The following COBLL1 variants were observed in gnomAD, a reference collection of about 807,000 sequenced individuals.
COBLL1 encodes cordon-bleu WH2 repeat protein like 1.
A neutral mutation model predicts 94.8 loss-of-function variants in COBLL1; 50 were observed. That is an observed-to-expected ratio of 0.53 (90% CI 0.42 to 0.67). The LOEUF (loss-of-function observed/expected upper bound fraction) is 0.67, where lower values mean the gene tolerates loss of function less well. COBLL1 is among the 30% of genes least tolerant of loss of function. The pLI, the probability that COBLL1 is intolerant of heterozygous loss-of-function variation, is 0.00. For synonymous variants in COBLL1, 448 were observed against 473.8 expected (o/e 0.95, Z 0.71); for missense variants, 1,362 against 1,348.7 (o/e 1.01, Z -0.15).
At chr2:164,798,741 T>G (rs2105313307) in intron 2 of COBLL1, among the ~76,000 whole-genome samples, 1 of 148,686 alleles carries the variant, frequency 6.7e-6, no homozygotes, top group South Asian at 2.2e-4. Context: ...GTAAGCAGGC[T>G]GGGGGCAGTG....
chr2:164,780,176 T>C (rs192716773), intron 2 of COBLL1, among the ~76,000 whole-genome samples: 1 of 152,082 alleles, frequency 6.6e-6, no homozygotes, highest in Admixed American at 6.5e-5. Flanking sequence ...TTATCCTCAT[T>C]CTCCTAGATC....
At chr2:164,796,349 A>G (rs1348060235) in intron 2 of COBLL1, among the ~76,000 whole-genome samples, 1 of 152,202 alleles carries the variant, frequency 6.6e-6, no homozygotes, top group African/African-American at 2.4e-5. Flanking sequence ...GAGAATGGAC[A>G]TAACTAAGAT....
chr2:164,743,627 G>C (rs760177334), intron 3 of COBLL1, 60 bp downstream of exon 3: 8 of 1,329,910 alleles, frequency 6.0e-6, no homozygotes, highest in Non-Finnish European at 8.7e-6. Flanking sequence ...GTATATCACA[G>C]AGACTTTCAA....
At chr2:164,747,688 C>A (rs1322665831) in intron 2 of COBLL1, among the ~76,000 whole-genome samples, 1 of 152,094 alleles carries the variant, frequency 6.6e-6, no homozygotes, top group Non-Finnish European at 1.5e-5. Flanking sequence ...GTTGGCCAGG[C>A]TGGTCTTGAA....
intron 2 of COBLL1, among the ~76,000 whole-genome samples, chr2:164,822,278 A>G (rs532080567): frequency 7.4e-4 from 113 of 152,284 alleles, no homozygotes; most frequent in African/African-American, 2.6e-3. Context: ...TCACACGTTT[A>G]AGGCAACAAA....
At chr2:164,799,821 G>T (rs1408043495) in intron 2 of COBLL1, among the ~76,000 whole-genome samples, 2 of 152,100 alleles carry the variant, frequency 1.3e-5, no homozygotes, top group Non-Finnish European at 2.9e-5. Context: ...TTTGACAAAG[G>T]TGCAAAGGCA....
upstream of COBLL1, chr2:164,842,068 G>A: frequency 1.3e-6 from 2 of 1,510,150 alleles, no homozygotes; most frequent in Non-Finnish European, 1.8e-6. Context: ...GCAGCGAGCC[G>A]GAGAGAGGAA....
chr2:164,790,668 C>G (rs1286317446), intron 2 of COBLL1, among the ~76,000 whole-genome samples: 2 of 152,092 alleles, frequency 1.3e-5, no homozygotes, highest in East Asian at 3.9e-4. Flanking sequence ...AATTAAACAG[C>G]AACAAAGAGC....
chr2:164,824,104 G>A (rs576494979), intron 2 of COBLL1, among the ~76,000 whole-genome samples: 4 of 152,238 alleles, frequency 2.6e-5, no homozygotes, highest in Non-Finnish European at 4.4e-5. Context: ...GTCTAGGGCC[G>A]GGCGCAGTGG....
intron 2 of COBLL1, among the ~76,000 whole-genome samples, chr2:164,774,791 T>C (rs1257533678): frequency 2.2e-5 from 2 of 90,228 alleles, no homozygotes; most frequent in East Asian, 2.1e-4. Flanking sequence ...GGATTGTGGC[T>C]AATAATATTG....
chr2:164,658,908 C>T lies in COBLL1; in HGVS notation n.182-4994G>A, dbSNP rs541268209. On this transcript the variant is annotated intron_variant and non_coding_transcript_variant, in intron 2 of 2. Transcript: ENST00000495084. The stretch of plus-strand genomic sequence containing the variant: ...TAATGGAGGGTCCTGCCTTGTGGCT[C>T]TTTTGGCTTCAATATCTGCTTGACA... Among the ~76,000 whole-genome samples, 15 of 152,218 alleles carry T rather than the reference C, an allele frequency of 9.9e-5. No homozygotes were observed. In the South Asian group the frequency reaches 2.1e-3, roughly 21 times the overall value.
intron 2 of COBLL1, among the ~76,000 whole-genome samples, chr2:164,807,925 T>C (rs186888096): frequency 2.0e-5 from 3 of 152,126 alleles, no homozygotes; most frequent in Non-Finnish European, 4.4e-5. Context: ...GTTCAAGCAA[T>C]TCTTGTGCCT....
In COBLL1 at chr2:164,730,022, G is replaced by T. The variant is rs761211701; in HGVS notation, c.324C>A (p.Asn108Lys). ...GTGTGTTTGGCTTAAATTTAATGTG[G>T]TTCTGTTCAGCTGACAACAGATCGA... is the stretch of plus-strand genomic sequence containing the variant. ...YTIDLLSAEQ[N>K]HIKFKPNTPI... The change falls in exon 4 of 14, where the codon AAC becomes AAA. Residue 108 changes from asparagine to lysine, a missense_variant. Transcript: ENST00000652658. 2.5e-6 allele frequency: 4 copies of T among 1,613,876 alleles called. No individual in the cohort carries two copies. Among genetic ancestry groups the T allele is most frequent in the Non-Finnish European group, 3.4e-6 (4 of 1,179,896 alleles).
At chr2:164,679,566 C>A (rs985355162), downstream of COBLL1, among the ~76,000 whole-genome samples, 1 of 152,172 alleles carries the variant, frequency 6.6e-6, no homozygotes, top group Non-Finnish European at 1.5e-5. Context: ...CTCTGAACTT[C>A]ATGAGTAAAA....
At chr2:164,723,819 A>G (rs1685582038) in intron 5 of COBLL1, 1 of 151,314 alleles carries the variant, frequency 6.6e-6, no homozygotes, top group African/African-American at 2.4e-5. Flanking sequence ...CTTTTTTTGA[A>G]TCTCACTCTG....
At chr2:164,803,313 C>T (rs1683906688) in intron 2 of COBLL1, among the ~76,000 whole-genome samples, 1 of 152,096 alleles carries the variant, frequency 6.6e-6, no homozygotes, top group Non-Finnish European at 1.5e-5. Context: ...CGCCTGTAAT[C>T]CCAGCACTTT....
chr2:164,837,304 A>T (rs1683360816), intron 2 of COBLL1: 1 of 278,696 alleles, frequency 3.6e-6, no homozygotes, highest in South Asian at 3.7e-5. Context: ...AAAGATAAGC[A>T]CCCAAGTTGA....
Position 164,841,454 on chromosome 2 carries a change from G to A in COBLL1, c.-50-208C>T, listed in dbSNP as rs1363997793. Reference sequence around the variant, plus strand: ...GTCTAGCGGGCGCCCAGAGCACGGCGGAGGAGGCGGTGGCGCTGCAGCCCC... The same window carrying A: ...GTCTAGCGGGCGCCCAGAGCACGGCAGAGGAGGCGGTGGCGCTGCAGCCCC... On this transcript the variant is annotated intron_variant, in intron 1 of 13. Transcript: ENST00000652658. The surrounding 1 kb of genome is among the most constrained non-coding windows in gnomAD (Gnocchi z 5.5). 1.7e-6 allele frequency: 2 copies of A among 1,146,672 alleles called. No individual in the cohort carries two copies. The highest frequency in any genetic ancestry group is 2.1e-6 in the Non-Finnish European group (2 of 934,274). 71.0% of individuals were successfully genotyped at this position (1,146,672 alleles called of 1,614,324 possible).
chr2:164,834,500 T>A (rs1003234838), intron 2 of COBLL1, among the ~76,000 whole-genome samples: 1 of 152,222 alleles, frequency 6.6e-6, no homozygotes, highest in African/African-American at 2.4e-5. Flanking sequence ...ATACAGATAA[T>A]AATTTTGTTT....
Sources: allele counts gnomAD v4.1 joint callset (sites outside exome capture counted in the v4.1 genomes callset), GRCh38; gene constraint gnomAD v4.1.1; non-coding constraint Gnocchi (gnomAD v3.1); transcripts MANE v1.5; gene names NCBI Gene and HGNC (gene_info 2026-07-23, HGNC 2026-07-21).